The following SLX4 variants were observed in gnomAD, a reference collection of about 807,000 sequenced individuals.
The protein encoded by SLX4 is structure-specific endonuclease subunit SLX4.
SLX4 carries 112 observed loss-of-function variants against 146.2 expected under a neutral mutation model. That is an observed-to-expected ratio of 0.77 (90% confidence interval 0.66 to 0.90). SLX4 has a LOEUF of 0.90. Among genes scored for constraint, SLX4 ranks in the 40% least tolerant of loss-of-function variants. The pLI is 0.00. For missense variants in SLX4, 2,563 were observed against 2,392.7 expected (o/e 1.07, Z -1.49); for synonymous variants, 1,061 against 997.7 (o/e 1.06, Z -1.20).
intron 5 of SLX4, 84 bp from the exon 6 acceptor site, chr16:3,598,083 G>A: frequency 2.6e-6 from 4 of 1,521,556 alleles, no homozygotes; most frequent in Non-Finnish European, 3.6e-6. Context: ...GGAGAGGGCT[G>A]GGCCTGAGAG....
Position 3,597,702 on chromosome 16 carries a change from A to C in SLX4, c.1367-7T>G. 6.2e-7 allele frequency: 1 copy of C among 1,613,930 alleles called. No homozygotes were observed. The highest frequency in any genetic ancestry group is 8.5e-7 in the Non-Finnish European group (1 of 1,180,014). ...TTCTTGCGACTTTTATTCTCTAGAG[A>C]GAAACAAAAGCGACACCATCAACGG... On this transcript the variant is annotated splice_polypyrimidine_tract_variant and splice_region_variant and intron_variant, in intron 6 of 14. Coordinates refer to ENST00000294008, the MANE Select transcript of SLX4 (RefSeq NM_032444.4). The surrounding 1 kb of genome is among the most constrained non-coding windows in gnomAD (Gnocchi z 4.4).
chr16:3,589,234 G>A lies in SLX4; in HGVS notation c.4404C>T (p.Arg1468=), dbSNP rs766956534. The A allele has an allele frequency of 8.1e-6, 13 of 1,609,576 alleles. No individual in the cohort carries two copies. The highest frequency in any genetic ancestry group is 1.1e-5 in the Non-Finnish European group (13 of 1,176,574). Residue 1468 remains arginine, a synonymous_variant, in exon 12 of 15, where the codon CGC becomes CGT. Transcript: ENST00000294008. This position sits in a 1 kb window ranked among gnomAD's most constrained non-coding sequence, Gnocchi z 6.2. ...GGGTGGTGTCCAGGAGTCCCGGGGA[G>A]CGACAGTCACGGCTGTCGGCGGCCT... ...MNEAADSRDC[R]SPGLLDTTPI...
At chr16:3,593,656 C>G (rs570346313) in intron 10 of SLX4, among the ~76,000 whole-genome samples, 5 of 152,146 alleles carry the variant, frequency 3.3e-5, no homozygotes, top group African/African-American at 1.2e-4. Context: ...TCCAGGACCC[C>G]GTTAAGAGTC....
Position 3,581,739 on chromosome 16 carries a change from T to C in SLX4, c.*603A>G, listed in dbSNP as rs984439099. On this transcript the variant is annotated 3_prime_UTR_variant, in exon 15 of 15. Transcript: ENST00000294008. ...CCCCCTGGGACAGCTGAGGGCCCTC[T>C]TGGGTTAAGGGAGACACACTGGGCC... The C allele has an allele frequency of 1.9e-5, 3 of 158,520 alleles. No individual in the cohort carries two copies. The highest frequency in any genetic ancestry group is 7.2e-5 in the African/African-American group (3 of 41,506). The allele number at this position is 158,520 out of a possible 1,614,324, so 9.8% of individuals were successfully genotyped here. A position where few individuals can be genotyped will look rare whatever the true frequency, so the allele number is the denominator to read the frequency against.
In SLX4 at chr16:3,596,412, G is replaced by A. The variant is rs766806413; in HGVS notation, c.1684-19C>T. On this transcript the variant is annotated intron_variant, in intron 7 of 14. Transcript: ENST00000294008. Reference sequence around the variant, plus strand: ...TAAGGCCCTGAAAGAAGCCAGTAAGGAGAGTGACCACGTGGTCACTGTCAT... The same window carrying A: ...TAAGGCCCTGAAAGAAGCCAGTAAGAAGAGTGACCACGTGGTCACTGTCAT... The A allele has an allele frequency of 5.1e-6, 8 of 1,578,704 alleles. No individual in the cohort carries two copies. The African/African-American group carries it at 8.1e-5, about 16-fold the overall frequency.
chr16:3,599,196 G>C (rs1184122081), intron 5 of SLX4, among the ~76,000 whole-genome samples: 1 of 152,166 alleles, frequency 6.6e-6, no homozygotes, highest in Non-Finnish European at 1.5e-5. Context: ...ATACAGATGC[G>C]CTCCTCCACC....
intron 3 of SLX4, among the ~76,000 whole-genome samples, chr16:3,602,904 ATC>A (rs951789131): frequency 3.3e-5 from 5 of 152,094 alleles, no homozygotes; most frequent in African/African-American, 9.7e-5. Flanking sequence ...AGGGTGGCCC[ATC>A]TGATATTGCT....
chr16:3,601,399 A>C, intron 4 of SLX4: 1 of 608,074 alleles, frequency 1.6e-6, no homozygotes, highest in South Asian at 1.9e-5. Flanking sequence ...AAAGAAAGCA[A>C]GGAAAGATTA....
Position 3,594,475 on chromosome 16 carries a change from C to A in SLX4, c.2138G>T (p.Arg713Leu). The stretch of plus-strand genomic sequence containing the variant: ...TACATACTGGATGAGGAGCGGGCAT[C>A]GGGCATAAAGCACGAACTTGTGGGC... The part of the protein sequence containing the change: ...LYAHKFVLYA[R>L]CPLLIQYVNN... The change falls in exon 10 of 15, where the codon CGA (arginine) becomes CTA (leucine). Residue 713 changes from arginine (R) to leucine (L), a missense_variant. Physicochemically the swap from Arg to Leu is moderately radical, Grantham distance 102. Transcript: ENST00000294008. 6.2e-7 allele frequency: 1 copy of A among 1,613,668 alleles called. No individual in the cohort carries two copies. Among genetic ancestry groups the A allele is most frequent in the Non-Finnish European group, 8.5e-7 (1 of 1,179,838 alleles).
rs201618094 is a variant in SLX4 at position 3,590,330 on chromosome 16, C to T, written c.3308G>A (p.Arg1103His). 2.1e-5 allele frequency: 34 copies of T among 1,614,114 alleles called. No individual in the cohort carries two copies. Among genetic ancestry groups the T allele is most frequent in the Admixed American group, 5.0e-5 (3 of 60,014 alleles). Residue 1103 changes from arginine to histidine, a missense_variant, in exon 12 of 15, where the codon CGT becomes CAT. By Grantham distance (29) the Arg-to-His change is conservative (BLOSUM62 0). Coordinates refer to ENST00000294008, the MANE Select transcript of SLX4 (RefSeq NM_032444.4). This position sits in a 1 kb window ranked among gnomAD's most constrained non-coding sequence, Gnocchi z 4.8. The part of the protein sequence containing the change: ...KEPGHQKGKE[R>H]RSVLECRNKG... The stretch of plus-strand genomic sequence containing the variant: ...ATTTCTGCACTCCAGCACGGACCGA[C>T]GCTCTTTGCCTTTCTGGTGCCCTGG...
rs1259694370 is a variant in SLX4 at position 3,591,224 on chromosome 16, G to A, written c.2414C>T (p.Ala805Val). ...CTCGGCCCTGCTTTCGCAATTCTCT[G>A]CTTCCTTCTCCTCCCATGGTTTGCC... The part of the protein sequence containing the change: ...SEGKPWEEKE[A>V]ENCESRAENF... The change falls in exon 12 of 15, where the codon GCA becomes GTA. Residue 805 changes from alanine to valine, a missense_variant. Coordinates refer to ENST00000294008, the MANE Select transcript of SLX4 (RefSeq NM_032444.4). 6.2e-7 allele frequency: 1 copy of A among 1,613,590 alleles called. No individual in the cohort carries two copies. The highest frequency in any genetic ancestry group is 1.3e-5 in the African/African-American group (1 of 74,918).
rs1300705070 is a variant in SLX4, at chr16:3,609,407, T to A, written c.-443A>T. 2 of 165,842 alleles carry A rather than the reference T, an allele frequency of 1.2e-5. No individual in the cohort carries two copies. Among genetic ancestry groups the A allele is most frequent in the Admixed American group, 1.1e-4 (2 of 17,710 alleles). The allele number at this position is 165,842 out of a possible 1,614,324, so 10.3% of individuals were successfully genotyped here. ...TGGGCAACAAGAGCAAAACTCTGTC[T>A]CAAAAAATAATAATAATAAATAAAT... On this transcript the variant is annotated 5_prime_UTR_variant, in exon 2 of 15. Coordinates refer to ENST00000294008, the MANE Select transcript of SLX4 (RefSeq NM_032444.4).
chr16:3,595,467 G>A, intron 9 of SLX4, 138 bp downstream of exon 9: 1 of 923,360 alleles, frequency 1.1e-6, no homozygotes, highest in Non-Finnish European at 1.7e-6. Flanking sequence ...GGATGTGGCA[G>A]CCTTCTGGAA....
Position 3,597,248 on chromosome 16 carries a change from C to G in SLX4, c.1683+131G>C. ...AAAGCTGCAGCCACCAAGTGCCCCT[C>G]TGGCCTCCTCCCGCCTCTGCCTTTC... On this transcript the variant is annotated intron_variant, in intron 7 of 14. Transcript: ENST00000294008. The surrounding 1 kb of genome is among the most constrained non-coding windows in gnomAD (Gnocchi z 4.4). 2 of 1,056,760 alleles carry G rather than the reference C, an allele frequency of 1.9e-6. No homozygotes were observed. Among genetic ancestry groups the G allele is most frequent in the Non-Finnish European group, 2.7e-6 (2 of 750,834 alleles). 65.5% of individuals were successfully genotyped at this position (1,056,760 alleles called of 1,614,324 possible).
In SLX4 at chr16:3,601,020, C is replaced by G. The variant is rs747272791; in HGVS notation, c.1122G>C (p.Gln374His). The G allele has an allele frequency of 1.9e-6, 3 of 1,613,918 alleles. No homozygotes were observed. The highest frequency in any genetic ancestry group is 2.5e-6 in the Non-Finnish European group (3 of 1,180,034). Reference protein sequence around the residue: ...PQLLLQAVRLQTAQPEGSSSP... With the variant: ...PQLLLQAVRLHTAQPEGSSSP... Reference sequence around the variant, plus strand: ...TGCTGCTACCCTCAGGCTGTGCTGTCTGCAGCCGCACAGCCTGAAGCAGGA... The same window carrying G: ...TGCTGCTACCCTCAGGCTGTGCTGTGTGCAGCCGCACAGCCTGAAGCAGGA... Residue 374 changes from glutamine to histidine, a missense_variant, in exon 5 of 15, where the codon CAG becomes CAC. By Grantham distance (24) the Gln-to-His change is conservative. Coordinates refer to ENST00000294008, the MANE Select transcript of SLX4 (RefSeq NM_032444.4).
chr16:3,592,654 C>T, intron 11 of SLX4, 45 bp downstream of exon 11: 1 of 1,593,068 alleles, frequency 6.3e-7, no homozygotes, highest in Non-Finnish European at 8.5e-7. Flanking sequence ...TGTTAACCTG[C>T]CAGTCCTCGT....
In SLX4 at chr16:3,582,146, A is replaced by C; in HGVS notation, c.*196T>G. 3 of 602,500 alleles carry C rather than the reference A, an allele frequency of 5.0e-6. No homozygotes were observed. The highest frequency in any genetic ancestry group is 5.9e-6 in the Non-Finnish European group (2 of 338,990). The allele number at this position is 602,500 out of a possible 1,614,324, so 37.3% of individuals were successfully genotyped here. On this transcript the variant is annotated 3_prime_UTR_variant, in exon 15 of 15. Coordinates refer to ENST00000294008, the MANE Select transcript of SLX4 (RefSeq NM_032444.4). ...CAGTGGGTGACATGCTCCAAATGCC[A>C]CCCTAGAAAGCAGAGCCCAGAGGAG...
In SLX4 at chr16:3,602,326, G is replaced by C. The variant is rs762063384; in HGVS notation, c.761-19C>G. 1.9e-6 allele frequency: 3 copies of C among 1,612,638 alleles called. No homozygotes were observed. The highest frequency in any genetic ancestry group is 1.7e-6 in the Non-Finnish European group (2 of 1,179,998). ...CCATACACTGTGGAGAAGCACCAAA[G>C]ATCCGTGAGAATAAACTCCAAAGAC... On this transcript the variant is annotated intron_variant, in intron 3 of 14. Transcript: ENST00000294008.
rs773945187 is a variant in SLX4, at chr16:3,583,282, G to A, written c.4968C>T (p.Pro1656=). Residue 1656 remains proline, a synonymous_variant, in exon 14 of 15, where the codon CCC becomes CCT. Coordinates refer to ENST00000294008, the MANE Select transcript of SLX4 (RefSeq NM_032444.4). Reference sequence around the variant, plus strand: ...GGCCCTTGGTCTTAGCAGGTCCCTTGGGCCTATGGGCCCCAGGTCCTGTGG... The same window carrying A: ...GGCCCTTGGTCTTAGCAGGTCCCTTAGGCCTATGGGCCCCAGGTCCTGTGG... ...EATTGPGAHR[P]KGPAKTKGPR... The A allele has an allele frequency of 3.1e-6, 5 of 1,614,168 alleles. No individual in the cohort carries two copies. The South Asian group carries it at 5.5e-5, about 18-fold the overall frequency.
Sources: allele counts gnomAD v4.1 joint callset (sites outside exome capture counted in the v4.1 genomes callset), GRCh38; gene constraint gnomAD v4.1.1; non-coding constraint Gnocchi (gnomAD v3.1); transcripts MANE v1.5; gene names NCBI Gene and HGNC (gene_info 2026-07-23, HGNC 2026-07-21).